The following MSLN variants were observed in gnomAD, a reference collection of about 807,000 sequenced individuals.
MSLN encodes the protein CAK1 antigen.
MSLN carries 82 observed loss-of-function variants against 72.6 expected under a neutral mutation model. That is an observed-to-expected ratio of 1.13 (90% CI 0.94 to 1.36). The LOEUF is 1.36. MSLN is among the 40% of genes most tolerant of loss of function. The pLI is 0.00. For synonymous variants in MSLN, 456 were observed against 387.3 expected (o/e 1.18, Z -2.08); for missense variants, 1,005 against 847.9 (o/e 1.19, Z -2.30).
intron 6 of MSLN, among the ~76,000 whole-genome samples, chr16:764,376 C>T (rs925245257): frequency 1.3e-5 from 2 of 152,232 alleles, no homozygotes; most frequent in African/African-American, 4.8e-5. Flanking sequence ...TGCTGGGCCC[C>T]CTCCTGGAGC....
Position 767,359 on chromosome 16 carries a change from C to T in MSLN, c.1502-17C>T. The T allele has an allele frequency of 6.2e-7, 1 of 1,609,444 alleles. No homozygotes were observed. Among genetic ancestry groups the T allele is most frequent in the Non-Finnish European group, 8.5e-7 (1 of 1,177,980 alleles). On this transcript the variant is annotated splice_polypyrimidine_tract_variant and intron_variant, in intron 15 of 17. Coordinates refer to ENST00000545450, the MANE Select transcript of MSLN (RefSeq NM_005823.6). ...GTGAGGTGAGGCCTCAGCTCGGGCCCCTCTCCCGGCGGGCAGGTGGGGCCC... is the reference window on the plus strand; with the variant it reads ...GTGAGGTGAGGCCTCAGCTCGGGCCTCTCTCCCGGCGGGCAGGTGGGGCCC...
chr16:767,510 C>T lies in MSLN; in HGVS notation c.1596+40C>T, dbSNP rs375413461. 1.0e-3 allele frequency: 896 copies of T among 876,136 alleles called. 4 individuals carry two copies. Among genetic ancestry groups the T allele is most frequent in the East Asian group, 2.8e-3 (57 of 20,544 alleles). The allele number at this position is 876,136 out of a possible 1,614,324, so 54.3% of individuals were successfully genotyped here. A position where few individuals can be genotyped will look rare whatever the true frequency, so the allele number is the denominator to read the frequency against. Reference sequence around the variant, plus strand: ...AGGAGGGGCGTGTGGAGGAGGGGCCCGTGGAGGAGGGGCGAGTGGGAGGAG... The same window carrying T: ...AGGAGGGGCGTGTGGAGGAGGGGCCTGTGGAGGAGGGGCGAGTGGGAGGAG... On this transcript the variant is annotated intron_variant, in intron 16 of 17. Transcript: ENST00000545450.
In MSLN at chr16:765,263, G is replaced by A. The variant is rs758118562; in HGVS notation, c.664G>A (p.Ala222Thr). The A allele has an allele frequency of 4.4e-6, 7 of 1,584,784 alleles. No individual in the cohort carries two copies. The East Asian group carries it at 1.6e-4, about 36-fold the overall frequency. The change falls in exon 9 of 18, where the codon GCA (alanine) becomes ACA (threonine). Residue 222 changes from alanine to threonine, a missense_variant. By Grantham distance (58) the Ala-to-Thr change is moderately conservative. Transcript: ENST00000545450. The stretch of plus-strand genomic sequence containing the variant: ...ACCCCTGGACCAGGACCAGCAGGAG[G>A]CAGCCAGGGCGGCTCTGCAGGGCGG... ...PGPLDQDQQE[A>T]ARAALQGGGP...
chr16:762,791 G>C, intron 3 of MSLN, 26 bp downstream of exon 3: 1 of 1,547,340 alleles, frequency 6.5e-7, no homozygotes, highest in Non-Finnish European at 8.7e-7. Flanking sequence ...GGCTGCTGGT[G>C]AGGTGGGGAC....
In MSLN at chr16:768,575, G is replaced by T. The variant is rs765934215; in HGVS notation, c.1783+10G>T. On this transcript the variant is annotated intron_variant, in intron 17 of 17. Transcript: ENST00000545450. ...GACCTCAGCATGCAAGGTGGGCGGG[G>T]CGGCCAGGCCAGGGCTGGGGGCAGA... 1.9e-6 allele frequency: 3 copies of T among 1,608,018 alleles called. No homozygotes were observed. The South Asian group carries it at 3.3e-5, about 18-fold the overall frequency.
At chr16:764,803 C>T (rs1387759273) in intron 7 of MSLN, 77 bp downstream of exon 7, 12 of 1,577,450 alleles carry the variant, frequency 7.6e-6, no homozygotes, top group Admixed American at 3.5e-5. Context: ...CCCCTTGCCT[C>T]GGATCCCAGG....
chr16:765,905 T>C (rs1304523782), intron 11 of MSLN, 115 bp downstream of exon 11: 1 of 1,325,284 alleles, frequency 7.5e-7, no homozygotes, highest in African/African-American at 1.5e-5. Context: ...CCCATTATAA[T>C]CACAGAGAGT....
At chr16:762,849 C>T in intron 3 of MSLN, 84 bp downstream of exon 3, 2 of 1,163,256 alleles carry the variant, frequency 1.7e-6, no homozygotes, top group Non-Finnish European at 1.2e-6. Flanking sequence ...TTTGCCTGCC[C>T]CTGCCTTCTC....
chr16:767,434 G>A lies in MSLN; in HGVS notation c.1560G>A (p.Leu520=). 6.2e-7 allele frequency: 1 copy of A among 1,605,984 alleles called. No individual in the cohort carries two copies. Residue 520 remains leucine, a synonymous_variant, in exon 16 of 18, where the codon TTG becomes TTA. Transcript: ENST00000545450. ...GTCAGCAGAATGTGAGCATGGACTT[G>A]GCCACGTTCATGAAGCTGCGGACGG... ...ALSQQNVSMD[L]ATFMKLRTDA... is the part of the protein sequence containing the mutation.
Position 764,390 on chromosome 16 carries a change from G to A in MSLN, c.300+247G>A, listed in dbSNP as rs577334322. On this transcript the variant is annotated intron_variant, in intron 6 of 17. Coordinates refer to ENST00000545450, the MANE Select transcript of MSLN (RefSeq NM_005823.6). Reference sequence around the variant, plus strand: ...GTGCTGGGCCCCCTCCTGGAGCGCCGTGGGCAGCCCTCCAGGCTCTGCCCC... The same window carrying A: ...GTGCTGGGCCCCCTCCTGGAGCGCCATGGGCAGCCCTCCAGGCTCTGCCCC... Among the ~76,000 whole-genome samples the A allele has an allele frequency of 9.8e-5, 15 of 152,308 alleles. No individual in the cohort carries two copies. The East Asian group carries it at 1.7e-3, about 18-fold the overall frequency.
rs371797682 is a variant in MSLN, at chr16:764,961, G to A, written c.435G>A (p.Thr145=). 3.1e-6 allele frequency: 5 copies of A among 1,612,426 alleles called. No homozygotes were observed. The highest frequency in any genetic ancestry group is 4.2e-6 in the Non-Finnish European group (5 of 1,179,772). ...GCACCCGTTTCTTCTCCCGCATCACGAAGGCCAATGTGGACCTGCTCCCGA... is the reference window on the plus strand; with the variant it reads ...GCACCCGTTTCTTCTCCCGCATCACAAAGGCCAATGTGGACCTGCTCCCGA... ...QACTRFFSRI[T]KANVDLLPRG... Residue 145 remains threonine, a synonymous_variant, in exon 8 of 18, where the codon ACG becomes ACA. Coordinates refer to ENST00000545450, the MANE Select transcript of MSLN (RefSeq NM_005823.6).
chr16:764,464 C>A (rs374735619), intron 6 of MSLN, among the ~76,000 whole-genome samples, 183 bp from the exon 7 acceptor site: 2 of 152,150 alleles, frequency 1.3e-5, no homozygotes, highest in African/African-American at 2.4e-5. Context: ...GGAAGGGGAG[C>A]GGAGCCAGGC....
chr16:765,343 G>T (rs377088236), intron 9 of MSLN, 40 bp downstream of exon 9: 1 of 1,508,816 alleles, frequency 6.6e-7, no homozygotes, highest in Non-Finnish European at 8.9e-7. Flanking sequence ...CTCACCTGGC[G>T]GCGTGGTATC....
chr16:768,315 G>A (rs2041668043), intron 16 of MSLN, 64 bp from the exon 17 acceptor site: 10 of 1,453,580 alleles, frequency 6.9e-6, no homozygotes, highest in South Asian at 1.5e-5. Context: ...GGAGAGCCTG[G>A]CAGCCCTCTG....
Position 768,751 on chromosome 16 carries a change from T to G in MSLN, c.*18T>G. On this transcript the variant is annotated 3_prime_UTR_variant, in exon 18 of 18. Coordinates refer to ENST00000545450, the MANE Select transcript of MSLN (RefSeq NM_005823.6). Reference sequence around the variant, plus strand: ...TGGCCTGAGGGCCCCACTCCCTTGCTGGCCCCAGCCCTGCTGGGGATCCCC... The same window carrying G: ...TGGCCTGAGGGCCCCACTCCCTTGCGGGCCCCAGCCCTGCTGGGGATCCCC... 6.2e-7 allele frequency: 1 copy of G among 1,608,686 alleles called. No homozygotes were observed. Among genetic ancestry groups the G allele is most frequent in the African/African-American group, 1.3e-5 (1 of 74,950 alleles).
Position 766,479 on chromosome 16 carries a change from ATGAGTCCTCAGG to A in MSLN, c.1223_1230+4del. 6.2e-7 allele frequency: 1 copy of A among 1,612,622 alleles called. No individual in the cohort carries two copies. Among genetic ancestry groups the A allele is most frequent in the Non-Finnish European group, 8.5e-7 (1 of 1,179,888 alleles). On this transcript the variant is annotated splice_donor_variant and coding_sequence_variant, in exon 13 of 18. Transcript: ENST00000545450. LOFTEE classifies it high-confidence loss of function. ...GCTTGAAGTCAACAAAGGGCACGAA[ATGAGTCCTCAGG>A]TGACCGTCCGGCTCGGGGGTCATGT...
chr16:765,245 G>A lies in MSLN; in HGVS notation c.646G>A (p.Asp216Asn). ...PRLVSCPGPL[D>N]QDQQEAARAA... is the part of the protein sequence containing the mutation. ...GCTGGTGAGCTGCCCGGGACCCCTG[G>A]ACCAGGACCAGCAGGAGGCAGCCAG... The change falls in exon 9 of 18, where the codon GAC (aspartate) becomes AAC (asparagine). Residue 216 changes from aspartate to asparagine, a missense_variant. Transcript: ENST00000545450. 6.3e-7 allele frequency: 1 copy of A among 1,584,146 alleles called. No individual in the cohort carries two copies. The highest frequency in any genetic ancestry group is 8.5e-7 in the Non-Finnish European group (1 of 1,171,612).
intron 4 of MSLN, 152 bp from the exon 5 acceptor site, chr16:763,490 A>G (rs936137504): frequency 2.0e-5 from 17 of 863,212 alleles, no homozygotes; most frequent in Non-Finnish European, 2.5e-5. Flanking sequence ...AAGTAGATGG[A>G]TGAGAAGCAG....
chr16:768,476 GGCAGC>G lies in MSLN; in HGVS notation c.1696_1700del (p.Gln566AlafsTer?). ...CGCCCGGTGCGGGACTGGATCCTACGGCAGCGGCAGGACGACCTGGACACGCTGGG... is the reference window on the plus strand; with the variant it reads ...CGCCCGGTGCGGGACTGGATCCTACGGGCAGGACGACCTGGACACGCTGGG... On this transcript the variant is annotated frameshift_variant, in exon 17 of 18. Transcript: ENST00000545450. LOFTEE classifies it high-confidence loss of function. The G allele has an allele frequency of 6.4e-7, 1 of 1,570,874 alleles. No homozygotes were observed. Among genetic ancestry groups the G allele is most frequent in the Admixed American group, 1.8e-5 (1 of 56,996 alleles).
Sources: gnomAD v4.1 joint callset for allele counts (sites outside exome capture counted in the v4.1 genomes callset) on GRCh38, gnomAD v4.1.1 for gene constraint, MANE v1.5 for transcripts, NCBI Gene and HGNC (gene_info 2026-07-23, HGNC 2026-07-21) for gene names.